Variants in CLEC16A observed in about 807,000 individuals in gnomAD.
CLEC16A encodes the protein C-type lectin domain containing 16A.
In CLEC16A, 51 loss-of-function variants were observed where a neutral mutation model predicts 109.5. That is an observed-to-expected ratio of 0.47 (90% CI 0.37 to 0.59). The LOEUF (loss-of-function observed/expected upper bound fraction) is 0.59. CLEC16A is among the 20% of genes least tolerant of loss of function. The pLI is 0.00. For missense variants in CLEC16A, 1,339 were observed against 1,394.0 expected (o/e 0.96, Z 0.63); for synonymous variants, 673 against 564.2 (o/e 1.19, Z -2.73).
intron 19 of CLEC16A, among the ~76,000 whole-genome samples, chr16:11,094,546 C>A (rs916046251): frequency 1.3e-5 from 2 of 152,136 alleles, no homozygotes; most frequent in Non-Finnish European, 2.9e-5. Flanking sequence ...GGCACCACCT[C>A]CCCCCCTACA....
chr16:11,060,913 G>A lies in CLEC16A; in HGVS notation c.2007G>A (p.Val669=), dbSNP rs2286973. The part of the protein sequence containing the change: ...DVEKTRRAIR[V]FFMLRSLSLQ... Reference sequence around the variant, plus strand: ...AACTGTTGGTCCAGGCCATCCGGGTGTTCTTCATGCTGCGTTCCCTGTCAC... The same window carrying A: ...AACTGTTGGTCCAGGCCATCCGGGTATTCTTCATGCTGCGTTCCCTGTCAC... The change falls in exon 19 of 24, where the codon GTG becomes GTA. Residue 669 remains valine (V), a synonymous_variant. Coordinates refer to ENST00000409790, the MANE Select transcript of CLEC16A (RefSeq NM_015226.3). 688,867 of 1,609,488 alleles carry A rather than the reference G, an allele frequency of 0.43. 152,093 individuals carry two copies. The highest frequency in any genetic ancestry group is 0.7 in the African/African-American group (52,394 of 74,760).
At position 11,178,709 on chromosome 16, in the gene CLEC16A, C is replaced by A; in HGVS notation, c.*19C>A. The A allele has an allele frequency of 6.9e-7, 1 of 1,448,754 alleles. No individual in the cohort carries two copies. The highest frequency in any genetic ancestry group is 1.4e-5 in the African/African-American group (1 of 70,638). The allele number at this position is 1,448,754 out of a possible 1,614,324, so 89.7% of individuals were successfully genotyped here. The stretch of plus-strand genomic sequence containing the variant: ...GGACTGAGTCAGTGCCGGGGCCTCC[C>A]TTTGTGTGTGTGGCCCCGCTGGTAG... On this transcript the variant is annotated 3_prime_UTR_variant, in exon 24 of 24. Transcript: ENST00000409790. This position sits in a 1 kb window ranked among gnomAD's most constrained non-coding sequence, Gnocchi z 6.5.
rs1299996402 is a variant in CLEC16A at position 11,043,456 on chromosome 16, AT to A, written c.1771-568del. Reference sequence around the variant, plus strand: ...TCATGATGGCCATATTTTATAACCCATTTTCCCCCAATTAACTGTATATTAA... The same window carrying A: ...TCATGATGGCCATATTTTATAACCCATTTCCCCCAATTAACTGTATATTAA... On this transcript the variant is annotated intron_variant, in intron 15 of 23. Transcript: ENST00000409790. Among the ~76,000 whole-genome samples the A allele has an allele frequency of 2.0e-5, 3 of 151,802 alleles. No homozygotes were observed. In the East Asian group the frequency reaches 5.8e-4, roughly 29 times the overall value.
intron 22 of CLEC16A, among the ~76,000 whole-genome samples, chr16:11,128,249 C>T (rs2052964885): frequency 6.6e-6 from 1 of 152,242 alleles, no homozygotes. Flanking sequence ...TCTACATGAT[C>T]ATTTCTCTGT....
chr16:10,991,787 G>A (rs2044031986), intron 10 of CLEC16A, among the ~76,000 whole-genome samples: 1 of 152,242 alleles, frequency 6.6e-6, no homozygotes, highest in Admixed American at 6.5e-5. Context: ...TGGTTTTGCT[G>A]CGGGATGCTT....
intron 17 of CLEC16A, among the ~76,000 whole-genome samples, chr16:11,051,307 AAT>A (rs1351238057): frequency 1.3e-5 from 2 of 152,186 alleles, no homozygotes; most frequent in Admixed American, 1.3e-4. Context: ...TTAAAGGAAA[AAT>A]CTGCAATTTA....
intron 19 of CLEC16A, among the ~76,000 whole-genome samples, chr16:11,094,146 G>T (rs980007643): frequency 3.0e-4 from 46 of 152,184 alleles, no homozygotes; most frequent in African/African-American, 1.1e-3. Flanking sequence ...CTTTCCTCCA[G>T]AGTACTTCCT....
At chr16:11,121,788 G>A (rs912159229) in intron 20 of CLEC16A, among the ~76,000 whole-genome samples, 10 of 145,916 alleles carry the variant, frequency 6.9e-5, no homozygotes, top group African/African-American at 2.5e-4. Flanking sequence ...GCTGAGGCAC[G>A]AGAATCGCTT....
At chr16:11,146,749 G>T (rs538135676) in intron 22 of CLEC16A, among the ~76,000 whole-genome samples, 2 of 129,520 alleles carry the variant, frequency 1.5e-5, no homozygotes, top group African/African-American at 5.8e-5. Flanking sequence ...TGGATGGGTG[G>T]ATGGCCGGAT....
intron 10 of CLEC16A, among the ~76,000 whole-genome samples, chr16:10,988,345 G>A (rs1295830529): frequency 6.6e-6 from 1 of 152,106 alleles, no homozygotes; most frequent in Non-Finnish European, 1.5e-5. Context: ...GCTGAGAGAT[G>A]AGGGATGTGG....
At chr16:11,000,888 G>A (rs2152747424) in intron 10 of CLEC16A, among the ~76,000 whole-genome samples, 1 of 152,246 alleles carries the variant, frequency 6.6e-6, no homozygotes, top group Admixed American at 6.5e-5. Context: ...TATAATTGGT[G>A]GTCGTTTGGG....
chr16:10,946,314 A>G (rs889313929), intron 1 of CLEC16A, among the ~76,000 whole-genome samples: 1 of 152,194 alleles, frequency 6.6e-6, no homozygotes. Flanking sequence ...GGAGTGGGGT[A>G]GGGGTAGTGG....
At chr16:11,158,515 C>T (rs1597597231) in intron 22 of CLEC16A, among the ~76,000 whole-genome samples, 2 of 152,310 alleles carry the variant, frequency 1.3e-5, no homozygotes, top group South Asian at 4.1e-4. Flanking sequence ...TTCTTTGACA[C>T]ACCTCTAACT....
intron 22 of CLEC16A, chr16:11,126,466 A>C: frequency 8.3e-7 from 1 of 1,203,148 alleles, no homozygotes; most frequent in Non-Finnish European, 1.1e-6. Context: ...GTTGTGGGAG[A>C]GTAATTTCCT....
intron 19 of CLEC16A, among the ~76,000 whole-genome samples, chr16:11,105,721 C>T (rs1184161182): frequency 2.6e-5 from 4 of 152,226 alleles, no homozygotes; most frequent in South Asian, 4.1e-4. Context: ...GCCTTCAGCT[C>T]CCTGCCTGAA....
chr16:11,135,847 C>T (rs918550046), intron 22 of CLEC16A, among the ~76,000 whole-genome samples: 23 of 152,268 alleles, frequency 1.5e-4, no homozygotes, highest in Non-Finnish European at 2.9e-5. Context: ...ACCCCGTGTG[C>T]TCACCAGCAC....
At chr16:11,095,670 G>T (rs564843439) in intron 19 of CLEC16A, among the ~76,000 whole-genome samples, 6 of 152,088 alleles carry the variant, frequency 3.9e-5, no homozygotes, top group Non-Finnish European at 8.8e-5. Flanking sequence ...AAATTAGCTG[G>T]GCGTGGTGGC....
intron 12 of CLEC16A, among the ~76,000 whole-genome samples, chr16:11,021,030 C>G (rs917001322): frequency 6.6e-6 from 1 of 152,208 alleles, no homozygotes; most frequent in African/African-American, 2.4e-5. Flanking sequence ...CTGATTAGCA[C>G]TACCTTCCTG....
intron 13 of CLEC16A, among the ~76,000 whole-genome samples, chr16:11,028,005 A>G (rs1020645904): frequency 3.9e-5 from 6 of 152,230 alleles, no homozygotes; most frequent in Non-Finnish European, 7.3e-5. Context: ...GTTCGAGACC[A>G]GCCTGACCAA....
Sources: gnomAD v4.1 joint callset for allele counts (sites outside exome capture counted in the v4.1 genomes callset) on GRCh38, gnomAD v4.1.1 for gene constraint, Gnocchi (gnomAD v3.1) non-coding constraint, MANE v1.5 for transcripts, NCBI Gene and HGNC (gene_info 2026-07-23, HGNC 2026-07-21) for gene names.